Variants in CROT observed in about 807,000 individuals in gnomAD.
CROT encodes the protein peroxisomal carnitine O-octanoyltransferase.
In CROT, 84 loss-of-function variants were observed where a neutral mutation model predicts 89.2. The observed-to-expected ratio is 0.94, with a 90% CI of 0.79 to 1.13. The LOEUF is 1.13. Among genes scored for constraint, CROT ranks in the 50% most tolerant of loss-of-function variants. CROT has a pLI of 0.00. For synonymous variants in CROT, 212 were observed against 239.5 expected (o/e 0.89, Z 1.06); for missense variants, 711 against 727.8 (o/e 0.98, Z 0.27).
chr7:87,349,323 G>A (rs1805797786), intron 3 of CROT, 140 bp downstream of exon 3: 2 of 462,780 alleles, frequency 4.3e-6, no homozygotes, highest in Non-Finnish European at 7.7e-6. Flanking sequence ...GGAATTCAAG[G>A]TGAGTTGCAG....
Position 87,386,840 on chromosome 7 carries a change from C to G in CROT, c.1301+4297C>G, listed in dbSNP as rs76303891. ...GTTCATTGGGGATTGCTAACCCCATCTCTACCCATTGTCTCTGGCTGCCTT... is the reference window on the plus strand; with the variant it reads ...GTTCATTGGGGATTGCTAACCCCATGTCTACCCATTGTCTCTGGCTGCCTT... On this transcript the variant is annotated intron_variant, in intron 13 of 17. Coordinates refer to ENST00000331536, the MANE Select transcript of CROT (RefSeq NM_021151.4). 4.6e-3 allele frequency among the ~76,000 whole-genome samples: 704 copies of G among 152,262 alleles called. 9 individuals are homozygous for G. The highest frequency in any genetic ancestry group is 0.015 in the African/African-American group (639 of 41,558).
chr7:87,376,661 A>C (rs1215759419), intron 9 of CROT, among the ~76,000 whole-genome samples: 1 of 151,216 alleles, frequency 6.6e-6, no homozygotes, highest in Non-Finnish European at 1.5e-5. Context: ...GAATCACCAG[A>C]CTTCTTTTTA....
rs147964942 is a variant in CROT, at chr7:87,350,465, A to G, written c.115+1282A>G. Among the ~76,000 whole-genome samples the G allele has an allele frequency of 1.2e-3, 181 of 152,258 alleles. 2 individuals carry two copies. The highest frequency in any genetic ancestry group is 4.0e-3 in the African/African-American group (168 of 41,546). On this transcript the variant is annotated intron_variant, in intron 3 of 17. Coordinates refer to ENST00000331536, the MANE Select transcript of CROT (RefSeq NM_021151.4). ...TTCAATGTCTATAGCTGCTGCTTGA[A>G]GAGAGAATATGGCCATAGGATAAAA...
chr7:87,388,792 A>G (rs1304369514), intron 13 of CROT, among the ~76,000 whole-genome samples: 1 of 152,228 alleles, frequency 6.6e-6, no homozygotes, highest in African/African-American at 2.4e-5. Flanking sequence ...TAATTAAACT[A>G]AAGAGCTTCT....
intron 1 of CROT, among the ~76,000 whole-genome samples, chr7:87,346,039 T>A (rs1472808087): frequency 1.3e-5 from 2 of 152,114 alleles, no homozygotes; most frequent in Non-Finnish European, 2.9e-5. Flanking sequence ...TGCCCTCTGC[T>A]CCTGCTTCTA....
At chr7:87,359,879 T>C (rs1390221242) in intron 4 of CROT, 22 of 985,854 alleles carry the variant, frequency 2.2e-5, no homozygotes, top group Non-Finnish European at 2.4e-5. Context: ...AGCTCAACCA[T>C]TTCTGTACTT....
rs932028865 is a variant in CROT, at chr7:87,391,614, A to G, written c.1327A>G (p.Met443Val). The G allele has an allele frequency of 6.2e-7, 1 of 1,603,028 alleles. No individual in the cohort carries two copies. Among genetic ancestry groups the G allele is most frequent in the Non-Finnish European group, 8.5e-7 (1 of 1,177,128 alleles). The change falls in exon 14 of 18, where the codon ATG becomes GTG. Residue 443 changes from methionine (M) to valine (V), a missense_variant. Physicochemically the swap from Met to Val is conservative, Grantham distance 21. Transcript: ENST00000331536. ...CCCTGGTTGTTGCTATGAAACAGCTATGACAAGACATTTTTATCATGGCCG... is the reference window on the plus strand; with the variant it reads ...CCCTGGTTGTTGCTATGAAACAGCTGTGACAAGACATTTTTATCATGGCCG... ...GHPGCCYETAMTRHFYHGRTE... is the reference protein window; with the variant it reads ...GHPGCCYETAVTRHFYHGRTE...
intron 7 of CROT, 47 bp from the exon 8 acceptor site, chr7:87,375,585 A>C: frequency 7.1e-7 from 1 of 1,405,196 alleles, no homozygotes; most frequent in South Asian, 1.2e-5. Context: ...CAAAGTAGTT[A>C]CTTTCTGCCT....
rs111584135 is a variant in CROT, at chr7:87,380,974, G to A, written c.979-936G>A. Among the ~76,000 whole-genome samples, 1,487 of 152,270 alleles carry A rather than the reference G, an allele frequency of 9.8e-3. 26 individuals carry two copies. The highest frequency in any genetic ancestry group is 0.034 in the African/African-American group (1,416 of 41,536). On this transcript the variant is annotated intron_variant, in intron 10 of 17. Transcript: ENST00000331536. ...CATCTTATACTGACCTCCCTCAAGA[G>A]CCTTTCCTGATGTAGTTGTTGCCTG...
intron 13 of CROT, 60 bp downstream of exon 13, chr7:87,382,603 A>G: frequency 3.3e-6 from 5 of 1,521,606 alleles, no homozygotes; most frequent in South Asian, 1.3e-5. Context: ...ATCTTTTTTT[A>G]TAGCTATTTC....
At chr7:87,357,428 A>G in intron 3 of CROT, 5 of 1,543,938 alleles carry the variant, frequency 3.2e-6, no homozygotes, top group Admixed American at 3.9e-5. Flanking sequence ...GACAGACCCC[A>G]TTTATCAGAG....
chr7:87,398,493 G>A (rs373850279), intron 17 of CROT, 31 bp from the exon 18 acceptor site: 1 of 1,611,550 alleles, frequency 6.2e-7, no homozygotes, highest in African/African-American at 1.3e-5. Flanking sequence ...AGCCTTTTGT[G>A]TAATCATTAA....
chr7:87,354,220 A>G (rs1456289020), intron 3 of CROT, among the ~76,000 whole-genome samples: 1 of 152,244 alleles, frequency 6.6e-6, no homozygotes, highest in South Asian at 2.1e-4. Flanking sequence ...AGCCTTTTAA[A>G]TCTTAGTTTT....
At chr7:87,368,652 G>A (rs1370811515) in intron 6 of CROT, among the ~76,000 whole-genome samples, 2 of 152,086 alleles carry the variant, frequency 1.3e-5, no homozygotes, top group African/African-American at 2.4e-5. Flanking sequence ...TCCTTCAAGC[G>A]GCAGTGTATG....
At position 87,375,811 on chromosome 7, in the gene CROT, A is replaced by C; in HGVS notation, c.751-17A>C. The C allele has an allele frequency of 6.2e-7, 1 of 1,613,150 alleles. No homozygotes were observed. Among genetic ancestry groups the C allele is most frequent in the Non-Finnish European group, 8.5e-7 (1 of 1,179,458 alleles). ...ATTTCAGTTGTAATATTTGATCATC[A>C]TCTCCTTGCCCTTTAGGCACGAGAA... On this transcript the variant is annotated splice_polypyrimidine_tract_variant and intron_variant, in intron 8 of 17. Transcript: ENST00000331536.
intron 10 of CROT, among the ~76,000 whole-genome samples, chr7:87,380,168 C>A (rs1294474393): frequency 1.7e-5 from 1 of 58,318 alleles, no homozygotes; most frequent in African/African-American, 4.2e-5. Context: ...GCTTATTTTA[C>A]CCTAAAGCCA....
Position 87,391,487 on chromosome 7 carries a change from G to A in CROT, c.1302-102G>A, listed in dbSNP as rs1297177116. Reference sequence around the variant, plus strand: ...GTCTCCAACCTATCTGTGTTAAAGGGCTTAGTCTCTGAACAAAGCTAGCTT... The same window carrying A: ...GTCTCCAACCTATCTGTGTTAAAGGACTTAGTCTCTGAACAAAGCTAGCTT... On this transcript the variant is annotated intron_variant, in intron 13 of 17. Coordinates refer to ENST00000331536, the MANE Select transcript of CROT (RefSeq NM_021151.4). 8.7e-6 allele frequency: 10 copies of A among 1,145,694 alleles called. 1 individual carries two copies. The highest frequency in any genetic ancestry group is 3.3e-5 in the South Asian group (2 of 59,818). The allele number at this position is 1,145,694 out of a possible 1,614,324, so 71.0% of individuals were successfully genotyped here. A position where few individuals can be genotyped will look rare whatever the true frequency, so the allele number is the denominator to read the frequency against.
rs1806794700 is a variant in CROT, at chr7:87,375,844, T to C, written c.767T>C (p.Ile256Thr). The C allele has an allele frequency of 1.2e-6, 2 of 1,613,432 alleles. No individual in the cohort carries two copies. The highest frequency in any genetic ancestry group is 1.1e-5 in the South Asian group (1 of 91,068). ...GCCCTTTAGGCACGAGAATATCTGA[T>C]TGGTCTTGATCCAGAGAACTTGGCT... ...TRWAKAREYL[I>T]GLDPENLALL... The change falls in exon 9 of 18, where the codon ATT becomes ACT. Residue 256 changes from isoleucine (I) to threonine (T), a missense_variant. Physicochemically the swap from Ile to Thr is moderately conservative, Grantham distance 89 (BLOSUM62 -1). Coordinates refer to ENST00000331536, the MANE Select transcript of CROT (RefSeq NM_021151.4).
At chr7:87,388,112 G>T (rs1051112568) in intron 13 of CROT, among the ~76,000 whole-genome samples, 2 of 152,124 alleles carry the variant, frequency 1.3e-5, no homozygotes, top group African/African-American at 2.4e-5. Context: ...AACAGGCCTG[G>T]AGCCAAGACT....
Sources: gnomAD v4.1 joint callset for allele counts (sites outside exome capture counted in the v4.1 genomes callset) on GRCh38, gnomAD v4.1.1 for gene constraint, MANE v1.5 for transcripts, NCBI Gene and HGNC (gene_info 2026-07-23, HGNC 2026-07-21) for gene names.